SLC38A11: variants seen among roughly 807,000 people sequenced by gnomAD.
SLC38A11 encodes the protein putative sodium-coupled neutral amino acid transporter 11.
A neutral mutation model predicts 49.4 loss-of-function variants in SLC38A11; 51 were observed. The ratio of observed to expected loss-of-function variants is 1.03; its 90% CI spans 0.83 to 1.30. The LOEUF (loss-of-function observed/expected upper bound fraction) is 1.30. SLC38A11 is among the 50% of genes most tolerant of loss of function. The pLI is 0.00. For missense variants in SLC38A11, 574 were observed against 556.2 expected, an observed-to-expected ratio of 1.03 and a Z score of -0.32; for synonymous variants, 203 against 192.9, an observed-to-expected ratio of 1.05 and a Z score of -0.43.
rs74963886 is a variant in SLC38A11, at chr2:164,905,049, G to T, written c.1095+3591C>A. Among the ~76,000 whole-genome samples, 1,499 of 152,200 alleles carry T rather than the reference G, an allele frequency of 9.8e-3. 27 individuals carry two copies. The highest frequency in any genetic ancestry group is 0.034 in the African/African-American group (1,425 of 41,516). On this transcript the variant is annotated intron_variant, in intron 11 of 11. Coordinates refer to ENST00000685975, the MANE Select transcript of SLC38A11 (RefSeq NM_001351537.2). Reference sequence around the variant, plus strand: ...CAATTTAATATAGATAAAAGGAGATGATACTGCAAAGCACCTGGTACAGAG... The same window carrying T: ...CAATTTAATATAGATAAAAGGAGATTATACTGCAAAGCACCTGGTACAGAG...
intron 5 of SLC38A11, among the ~76,000 whole-genome samples, chr2:164,942,247 G>C (rs115419830): frequency 0.069 from 10,438 of 151,752 alleles, 397 homozygotes; most frequent in Admixed American, 0.1. Flanking sequence ...TCAGGAGTTC[G>C]AGACAAGCCT....
At chr2:164,935,557 G>A (rs1687313605) in intron 7 of SLC38A11, among the ~76,000 whole-genome samples, 1 of 151,014 alleles carries the variant, frequency 6.6e-6, no homozygotes. Context: ...TGTGGCACAT[G>A]CCTGCAGTCC....
chr2:164,921,590 A>G (rs1686210054), intron 7 of SLC38A11, among the ~76,000 whole-genome samples: 1 of 151,596 alleles, frequency 6.6e-6, no homozygotes. Flanking sequence ...TTGGCCTCCC[A>G]CAGTGCTGAG....
chr2:164,940,622 A>G lies in SLC38A11; in HGVS notation c.431-1066T>C, dbSNP rs372709309. ...ACTACTTTTCTTAGATGGCTAATAA[A>G]CCTACAAGAAAGTTTCAAGAAAGAA... On this transcript the variant is annotated intron_variant, in intron 5 of 11. Transcript: ENST00000685975. Among the ~76,000 whole-genome samples the G allele has an allele frequency of 2.6e-5, 4 of 151,266 alleles. No individual in the cohort carries two copies. The East Asian group carries it at 7.7e-4, about 29-fold the overall frequency.
intron 8 of SLC38A11, 101 bp from the exon 9 acceptor site, chr2:164,915,374 T>C: frequency 9.7e-7 from 1 of 1,034,652 alleles, no homozygotes; most frequent in East Asian, 2.6e-5. Flanking sequence ...GCCAATGAAC[T>C]GAAGTTTAAA....
At chr2:164,929,405 A>G (rs551633710) in intron 7 of SLC38A11, among the ~76,000 whole-genome samples, 3 of 152,220 alleles carry the variant, frequency 2.0e-5, no homozygotes, top group Admixed American at 1.3e-4. Flanking sequence ...GGCCATGATG[A>G]TAGGGTCTGT....
rs1249110388 is a variant in SLC38A11 at position 164,945,660 on chromosome 2, G to T, written c.297C>A (p.Val99=). The T allele has an allele frequency of 1.9e-6, 3 of 1,611,966 alleles. No homozygotes were observed. In the African/African-American group the frequency reaches 4.0e-5, roughly 22 times the overall value. Residue 99 remains valine (V), a synonymous_variant, in exon 4 of 12, where the codon GTC becomes GTA. Transcript: ENST00000685975. ...ACCCTGGAAAGCCGAAAGTTTTATT[G>T]ACCAAAGACTGGTAGGTATCTGTTC... The part of the protein sequence containing the change: ...LSGTDTYQSL[V]NKTFGFPGYL...
At chr2:164,945,255 CT>C (rs35471502) in intron 4 of SLC38A11, among the ~76,000 whole-genome samples, 19,944 of 138,508 alleles carry the variant, frequency 0.14, 1,860 homozygotes, top group African/African-American at 0.29. Flanking sequence ...AAATCCTTTG[CT>C]TTTTTTTTTT....
intron 11 of SLC38A11, among the ~76,000 whole-genome samples, chr2:164,900,002 T>C (rs1177165038): frequency 2.0e-5 from 3 of 152,198 alleles, no homozygotes; most frequent in Non-Finnish European, 2.9e-5. Context: ...TCTAACTCTA[T>C]ATATTAGGCA....
At position 164,955,291 on chromosome 2, in the gene SLC38A11, G is replaced by C. The variant is rs1001128409; in HGVS notation, c.-44C>G. ...AGCAGGTGGAAGATGCTGGGGCTGG[G>C]TACGGATTCGCACCCGGCCAGCCTC... On this transcript the variant is annotated 5_prime_UTR_variant, in exon 1 of 12. Coordinates refer to ENST00000685975, the MANE Select transcript of SLC38A11 (RefSeq NM_001351537.2). 1 of 1,539,502 alleles carries C rather than the reference G, an allele frequency of 6.5e-7. No individual in the cohort carries two copies. Among genetic ancestry groups the C allele is most frequent in the African/African-American group, 1.4e-5 (1 of 72,822 alleles).
intron 6 of SLC38A11, among the ~76,000 whole-genome samples, chr2:164,938,939 T>G (rs1687560562): frequency 6.6e-6 from 1 of 152,144 alleles, no homozygotes; most frequent in Non-Finnish European, 1.5e-5. Flanking sequence ...TCAGTATTTC[T>G]CTTTAGTAAT....
At chr2:164,949,478 G>A (rs528163052) in intron 3 of SLC38A11, among the ~76,000 whole-genome samples, 2 of 152,088 alleles carry the variant, frequency 1.3e-5, no homozygotes, top group African/African-American at 2.4e-5. Context: ...GGCTGGTCTC[G>A]AATTTCTGAC....
intron 7 of SLC38A11, among the ~76,000 whole-genome samples, chr2:164,933,037 T>C (rs1003854348): frequency 6.6e-6 from 1 of 152,014 alleles, no homozygotes; most frequent in African/African-American, 2.4e-5. Context: ...AGGGTTTGAA[T>C]GTATAAGGGT....
At chr2:164,945,749 A>T (rs775428572) in intron 3 of SLC38A11, 22 bp from the exon 4 acceptor site, 1 of 1,596,506 alleles carries the variant, frequency 6.3e-7, no homozygotes, top group South Asian at 1.2e-5. Flanking sequence ...ACATCAATTA[A>T]ATGTCAGATT....
Position 164,933,933 on chromosome 2 carries a change from G to A in SLC38A11, c.617+3417C>T, listed in dbSNP as rs1687183256. Reference sequence around the variant, plus strand: ...CTTCTTTAACATCTAAATATTGAAAGAGTTAAGTAAATAATCCTTGCTATT... The same window carrying A: ...CTTCTTTAACATCTAAATATTGAAAAAGTTAAGTAAATAATCCTTGCTATT... On this transcript the variant is annotated intron_variant, in intron 7 of 11. Coordinates refer to ENST00000685975, the MANE Select transcript of SLC38A11 (RefSeq NM_001351537.2). Among the ~76,000 whole-genome samples the A allele has an allele frequency of 2.0e-5, 3 of 152,100 alleles. No individual in the cohort carries two copies. The South Asian group carries it at 6.2e-4, about 32-fold the overall frequency.
intron 7 of SLC38A11, among the ~76,000 whole-genome samples, chr2:164,936,165 T>C (rs973157526): frequency 2.6e-5 from 4 of 152,202 alleles, no homozygotes; most frequent in African/African-American, 9.6e-5. Context: ...ATTACAGATA[T>C]TTATGTTTTC....
At chr2:164,920,614 G>T (rs900109060) in intron 7 of SLC38A11, among the ~76,000 whole-genome samples, 1 of 152,118 alleles carries the variant, frequency 6.6e-6, no homozygotes, top group Non-Finnish European at 1.5e-5. Flanking sequence ...AGAAGATGTT[G>T]CAACCATGTA....
intron 11 of SLC38A11, among the ~76,000 whole-genome samples, chr2:164,901,766 T>C (rs1684664921): frequency 6.6e-6 from 1 of 152,140 alleles, no homozygotes; most frequent in Admixed American, 6.6e-5. Flanking sequence ...GTCTGATTGC[T>C]CTTGCTAGTA....
At position 164,911,634 on chromosome 2, in the gene SLC38A11, A is replaced by C; in HGVS notation, c.963+2T>G. ...AAAGCGTTGGGAAGGAACCGCGCTT[A>C]CCTCTCTTGTCACAAAGCATTCCAT... On this transcript the variant is annotated splice_donor_variant, in intron 10 of 11. Coordinates refer to ENST00000685975, the MANE Select transcript of SLC38A11 (RefSeq NM_001351537.2). LOFTEE classifies it high-confidence loss of function. 1 of 1,538,348 alleles carries C rather than the reference A, an allele frequency of 6.5e-7. No homozygotes were observed. The highest frequency in any genetic ancestry group is 8.9e-7 in the Non-Finnish European group (1 of 1,126,000).
Sources: allele counts gnomAD v4.1 joint callset (sites outside exome capture counted in the v4.1 genomes callset), GRCh38; gene constraint gnomAD v4.1.1; transcripts MANE v1.5; gene names NCBI Gene and HGNC (gene_info 2026-07-23, HGNC 2026-07-21).